The following EXOC6B variants were observed in gnomAD, a reference collection of about 807,000 sequenced individuals.
EXOC6B encodes exocyst complex component 6B, also known as SEC15 homolog B.
A neutral mutation model predicts 113.5 loss-of-function variants in EXOC6B; 54 were observed. The observed-to-expected ratio is 0.48, with a 90% CI of 0.38 to 0.60. EXOC6B has a LOEUF of 0.60. Ranked by LOEUF, EXOC6B falls within the 20% of genes least tolerant of loss-of-function variation. The pLI, the probability that EXOC6B is intolerant of heterozygous loss-of-function variation, is 0.00. For missense variants in EXOC6B, 797 were observed against 977.5 expected (o/e 0.82, Z 2.46); for synonymous variants, 357 against 339.0 (o/e 1.05, Z -0.58).
At chr2:72,352,130 G>GA (rs1305735210) in intron 19 of EXOC6B, among the ~76,000 whole-genome samples, 2 of 152,024 alleles carry the variant, frequency 1.3e-5, no homozygotes, top group Admixed American at 1.3e-4. Flanking sequence ...ACAAATTACT[G>GA]AAAAAATTCT....
chr2:72,481,668 T>C (rs992601261), intron 16 of EXOC6B, among the ~76,000 whole-genome samples: 1 of 152,244 alleles, frequency 6.6e-6, no homozygotes, highest in Admixed American at 6.5e-5. Flanking sequence ...ACTGATCTTG[T>C]GAAATTTTCT....
chr2:72,411,262 T>A (rs1428662787), intron 18 of EXOC6B, among the ~76,000 whole-genome samples: 1 of 152,050 alleles, frequency 6.6e-6, no homozygotes, highest in Non-Finnish European at 1.5e-5. Context: ...AATATAATAA[T>A]ACTTTTAGTA....
intron 20 of EXOC6B, among the ~76,000 whole-genome samples, chr2:72,253,660 C>T (rs1250269185): frequency 6.6e-6 from 1 of 151,982 alleles, no homozygotes; most frequent in East Asian, 1.9e-4. Flanking sequence ...TACATATGGA[C>T]ACAAAGAAGG....
intron 6 of EXOC6B, among the ~76,000 whole-genome samples, chr2:72,639,268 A>G (rs1380312422): frequency 6.6e-6 from 1 of 152,028 alleles, no homozygotes; most frequent in Non-Finnish European, 1.5e-5. Flanking sequence ...CCATCCTTAC[A>G]CTAACACTGC....
intron 1 of EXOC6B, among the ~76,000 whole-genome samples, chr2:72,768,284 C>A (rs1294970389): frequency 1.4e-5 from 2 of 139,644 alleles, no homozygotes; most frequent in Non-Finnish European, 3.1e-5. Context: ...TAGGAGAATG[C>A]AAGCTTTTTT....
chr2:72,731,001 T>C lies in EXOC6B; in HGVS notation c.464+6A>G, dbSNP rs776700246. The stretch of plus-strand genomic sequence containing the variant: ...TAAAAACTGTTCGATTAAAAAAAAA[T>C]CTTACCTTTTAGTTTTCATCTGGTC... On this transcript the variant is annotated splice_donor_region_variant and intron_variant, in intron 5 of 21. Transcript: ENST00000272427. The C allele has an allele frequency of 1.6e-5, 24 of 1,524,104 alleles. No homozygotes were observed. The East Asian group carries it at 5.6e-4, about 36-fold the overall frequency. 94.4% of individuals were successfully genotyped at this position (1,524,104 alleles called of 1,614,324 possible). A position where few individuals can be genotyped will look rare whatever the true frequency, so the allele number is the denominator to read the frequency against.
At chr2:72,818,402 C>T (rs1686396132) in intron 1 of EXOC6B, among the ~76,000 whole-genome samples, 1 of 149,186 alleles carries the variant, frequency 6.7e-6, no homozygotes, top group African/African-American at 2.5e-5. Context: ...ACCTCGTGAT[C>T]CGCCCGCCTC....
chr2:72,565,349 T>TAAAAAAAAAA (rs10672375), intron 7 of EXOC6B, among the ~76,000 whole-genome samples: 1 of 45,152 alleles, frequency 2.2e-5, no homozygotes, highest in African/African-American at 1.0e-4. Context: ...AGACCCTGTC[T>TAAAAAAAAAA]AAAAAAAAAA....
chr2:72,642,806 C>T (rs2104353131), intron 6 of EXOC6B, among the ~76,000 whole-genome samples: 1 of 151,954 alleles, frequency 6.6e-6, no homozygotes, highest in South Asian at 2.1e-4. Flanking sequence ...GCAAAAGAAA[C>T]TAACATCAGA....
intron 18 of EXOC6B, among the ~76,000 whole-genome samples, chr2:72,387,868 CA>C (rs1692140439): frequency 1.3e-5 from 2 of 152,040 alleles, no homozygotes. Context: ...AGCTGGGTTT[CA>C]ATTTGCTCTT....
At position 72,372,365 on chromosome 2, in the gene EXOC6B, A is replaced by G. The variant is rs921388415; in HGVS notation, c.2122+7364T>C. Reference sequence around the variant, plus strand: ...CAAAAGACCTAGAATGGCCAAAGCTATCCTGAGCAAAAAGAACAGAACTGG... The same window carrying G: ...CAAAAGACCTAGAATGGCCAAAGCTGTCCTGAGCAAAAAGAACAGAACTGG... On this transcript the variant is annotated intron_variant, in intron 19 of 21. Transcript: ENST00000272427. 6.3e-4 allele frequency among the ~76,000 whole-genome samples: 96 copies of G among 152,240 alleles called. 1 individual carries two copies. The highest frequency in any genetic ancestry group is 2.2e-3 in the African/African-American group (93 of 41,468).
intron 6 of EXOC6B, among the ~76,000 whole-genome samples, chr2:72,609,149 A>G (rs1371246627): frequency 6.6e-6 from 1 of 152,194 alleles, no homozygotes; most frequent in Non-Finnish European, 1.5e-5. Context: ...TATAGTGTTC[A>G]GATCACAATA....
chr2:72,401,076 TTA>T (rs933931680), intron 18 of EXOC6B, among the ~76,000 whole-genome samples: 4 of 150,848 alleles, frequency 2.7e-5, no homozygotes, highest in African/African-American at 4.9e-5. Flanking sequence ...CAAAGAAATG[TTA>T]TATATATATA....
intron 2 of EXOC6B, among the ~76,000 whole-genome samples, chr2:72,734,790 A>G (rs1344749304): frequency 6.6e-6 from 1 of 152,178 alleles, no homozygotes; most frequent in Non-Finnish European, 1.5e-5. Context: ...GTTAGAAGTG[A>G]ACACATTTGC....
intron 20 of EXOC6B, among the ~76,000 whole-genome samples, chr2:72,312,800 C>CAAAAAAAAAAAAAAAA (rs11288459): frequency 8.8e-6 from 1 of 113,442 alleles, no homozygotes; most frequent in Non-Finnish European, 2.0e-5. Flanking sequence ...AAACGACAAC[C>CAAAAAAAAAAAAAAAA]AAAAAAAAAA....
At chr2:72,285,901 A>ATG (rs565124843) in intron 20 of EXOC6B, among the ~76,000 whole-genome samples, 31 of 152,276 alleles carry the variant, frequency 2.0e-4, no homozygotes, top group African/African-American at 7.0e-4. Flanking sequence ...TCCACATCAT[A>ATG]TGTCCTCAGG....
At chr2:72,528,971 C>G (rs1701866659) in intron 8 of EXOC6B, among the ~76,000 whole-genome samples, 1 of 152,106 alleles carries the variant, frequency 6.6e-6, no homozygotes, top group Non-Finnish European at 1.5e-5. Flanking sequence ...TCAATATAGA[C>G]AATCAGCAGG....
chr2:72,551,087 C>A (rs568684050), intron 8 of EXOC6B, among the ~76,000 whole-genome samples: 1 of 151,822 alleles, frequency 6.6e-6, no homozygotes, highest in Non-Finnish European at 1.5e-5. Flanking sequence ...TAATTATTAT[C>A]CTATTTCATG....
intron 6 of EXOC6B, among the ~76,000 whole-genome samples, chr2:72,700,272 A>ACACACACAC (rs1558930125): frequency 2.0e-5 from 3 of 151,660 alleles, no homozygotes; most frequent in South Asian, 2.1e-4. Flanking sequence ...ACACACACAC[A>ACACACACAC]AAGTTATCCG....
Sources: allele counts gnomAD v4.1 joint callset (sites outside exome capture counted in the v4.1 genomes callset), GRCh38; gene constraint gnomAD v4.1.1; transcripts MANE v1.5; gene names NCBI Gene and HGNC (gene_info 2026-07-23, HGNC 2026-07-21).